Variants in ZFAT observed in about 807,000 individuals in gnomAD.
The protein encoded by ZFAT is zinc finger and AT-hook domain containing.
In ZFAT, 64 loss-of-function variants were observed where a neutral mutation model predicts 117.7. The ratio of observed to expected loss-of-function variants is 0.54; its 90% CI spans 0.44 to 0.67. ZFAT has a LOEUF of 0.67. Among genes scored for constraint, ZFAT ranks in the 30% least tolerant of loss-of-function variants. ZFAT has a pLI of 0.00. For synonymous variants in ZFAT, 679 were observed against 615.0 expected (o/e 1.10, Z -1.54); for missense variants, 1,433 against 1,584.5 (o/e 0.90, Z 1.62).
intron 11 of ZFAT, among the ~76,000 whole-genome samples, chr8:134,544,866 G>T (rs1822570972): frequency 6.6e-6 from 1 of 152,144 alleles, no homozygotes; most frequent in South Asian, 2.1e-4. Context: ...CTGCAAACTG[G>T]TGCAACCACT....
chr8:134,489,542 C>T (rs550137579), intron 15 of ZFAT, among the ~76,000 whole-genome samples: 14 of 152,286 alleles, frequency 9.2e-5, no homozygotes, highest in African/African-American at 2.4e-4. Flanking sequence ...CCCTCCTCAG[C>T]GTCCTCCGTC....
chr8:134,533,837 C>A (rs183414158), intron 11 of ZFAT, among the ~76,000 whole-genome samples: 2 of 152,324 alleles, frequency 1.3e-5, no homozygotes, highest in East Asian at 3.9e-4. Flanking sequence ...TGAGACCTGG[C>A]CTTTGGCTGG....
chr8:134,520,553 C>T (rs1820584287), intron 13 of ZFAT, among the ~76,000 whole-genome samples: 1 of 152,008 alleles, frequency 6.6e-6, no homozygotes, highest in Admixed American at 6.6e-5. Flanking sequence ...GATGGCAATA[C>T]AATAGAATCC....
intron 11 of ZFAT, among the ~76,000 whole-genome samples, chr8:134,562,076 G>T (rs1254678317): frequency 6.6e-6 from 1 of 152,160 alleles, no homozygotes; most frequent in Non-Finnish European, 1.5e-5. Flanking sequence ...ATAACCACCA[G>T]GGTCCTTAAA....
chr8:134,559,221 T>C (rs895179578), intron 11 of ZFAT, among the ~76,000 whole-genome samples: 1 of 152,210 alleles, frequency 6.6e-6, no homozygotes, highest in African/African-American at 2.4e-5. Context: ...GTTCCAACCC[T>C]CACCCACCTG....
rs540227530 is a variant in ZFAT, at chr8:134,600,363, C to T, written c.2475+73G>A. On this transcript the variant is annotated intron_variant, in intron 7 of 15. Transcript: ENST00000377838. The stretch of plus-strand genomic sequence containing the variant: ...GGCTGACCTGCAGCAGAGACACCTA[C>T]ATATAAGCATAAACTTGAGAAAGCA... The T allele has an allele frequency of 1.0e-4, 137 of 1,324,910 alleles. 3 individuals are homozygous for T. The South Asian group carries it at 1.6e-3, about 15-fold the overall frequency. The allele number at this position is 1,324,910 out of a possible 1,614,324, so 82.1% of individuals were successfully genotyped here. A position where few individuals can be genotyped will look rare whatever the true frequency, so the allele number is the denominator to read the frequency against.
chr8:134,491,001 T>C (rs972183601), intron 15 of ZFAT, among the ~76,000 whole-genome samples: 1 of 152,236 alleles, frequency 6.6e-6, no homozygotes, highest in Non-Finnish European at 1.5e-5. Flanking sequence ...TTTAGAAAGC[T>C]GCAGGTGTGG....
chr8:134,768,057 A>G, the ZFAT span, among the ~76,000 whole-genome samples: 1 of 152,068 alleles, frequency 6.6e-6, no homozygotes, highest in Admixed American at 6.6e-5. Flanking sequence ...TTCATTCTGT[A>G]TATAGGCATA....
At chr8:134,661,539 G>C (rs67170031) in intron 1 of ZFAT, among the ~76,000 whole-genome samples, 17,281 of 152,274 alleles carry the variant, frequency 0.11, 1,137 homozygotes, top group Non-Finnish European at 0.16. Context: ...CATCTGGCTA[G>C]CCTTGGACAC....
At chr8:134,545,655 CGT>C (rs1563831675) in intron 11 of ZFAT, among the ~76,000 whole-genome samples, 3 of 152,160 alleles carry the variant, frequency 2.0e-5, no homozygotes, top group Non-Finnish European at 2.9e-5. Context: ...GGTGCTTTAG[CGT>C]GTGTTTTACT....
At chr8:134,679,787 A>T (rs1563756977) in intron 1 of ZFAT, among the ~76,000 whole-genome samples, 3 of 152,334 alleles carry the variant, frequency 2.0e-5, no homozygotes, top group Non-Finnish European at 2.9e-5. Flanking sequence ...TGTCCTTTGC[A>T]GGGACACGGA....
At chr8:134,667,258 C>A (rs949361421) in intron 1 of ZFAT, among the ~76,000 whole-genome samples, 3 of 152,006 alleles carry the variant, frequency 2.0e-5, no homozygotes, top group African/African-American at 7.3e-5. Context: ...CTTTGGGAGG[C>A]CGAGATGGGC....
At chr8:134,619,971 G>A (rs1829001671) in intron 3 of ZFAT, among the ~76,000 whole-genome samples, 1 of 152,190 alleles carries the variant, frequency 6.6e-6, no homozygotes, top group Admixed American at 6.5e-5. Flanking sequence ...AGGAGCAGAA[G>A]TTTAGAAAGA....
intron 5 of ZFAT, among the ~76,000 whole-genome samples, chr8:134,604,630 C>A (rs1827747485): frequency 6.6e-6 from 1 of 152,196 alleles, no homozygotes; most frequent in South Asian, 2.1e-4. Context: ...GTGCTATTAA[C>A]CAGATACCAT....
At chr8:134,500,899 G>A (rs1818924663) in intron 15 of ZFAT, among the ~76,000 whole-genome samples, 1 of 152,338 alleles carries the variant, frequency 6.6e-6, no homozygotes, top group South Asian at 2.1e-4. Flanking sequence ...ACACTTTTAA[G>A]AGGCTACCTG....
chr8:134,496,490 G>T (rs976501425), intron 15 of ZFAT, among the ~76,000 whole-genome samples: 19 of 152,328 alleles, frequency 1.2e-4, no homozygotes, highest in African/African-American at 3.8e-4. Context: ...CTGTGGTAGG[G>T]TATGCACTGC....
chr8:134,537,856 G>C (rs990836669), intron 11 of ZFAT, among the ~76,000 whole-genome samples: 1 of 152,200 alleles, frequency 6.6e-6, no homozygotes, highest in African/African-American at 2.4e-5. Flanking sequence ...TGATGGCTGG[G>C]ATGATGTGTG....
the ZFAT span, among the ~76,000 whole-genome samples, chr8:134,720,637 C>A: frequency 2.6e-5 from 4 of 152,250 alleles, no homozygotes; most frequent in Non-Finnish European, 5.9e-5. Flanking sequence ...CGATCCAGGG[C>A]GGGCCTGGCC....
rs184610217 is a variant in ZFAT at position 134,633,649 on chromosome 8, C to T, written c.448+3812G>A. 7.2e-5 allele frequency among the ~76,000 whole-genome samples: 11 copies of T among 152,342 alleles called. No homozygotes were observed. In the East Asian group the frequency reaches 1.9e-3, roughly 27 times the overall value. On this transcript the variant is annotated intron_variant, in intron 3 of 15. Coordinates refer to ENST00000377838, the MANE Select transcript of ZFAT (RefSeq NM_020863.4). ...AGCACAGACCCTGGAGCCAGCCCACCTCGCTCACAACCAGCTCCACCACAT... is the reference window on the plus strand; with the variant it reads ...AGCACAGACCCTGGAGCCAGCCCACTTCGCTCACAACCAGCTCCACCACAT...
Sources: gnomAD v4.1 joint callset for allele counts (sites outside exome capture counted in the v4.1 genomes callset) on GRCh38, gnomAD v4.1.1 for gene constraint, MANE v1.5 for transcripts, NCBI Gene and HGNC (gene_info 2026-07-23, HGNC 2026-07-21) for gene names.